The following STYXL1 variants were observed in gnomAD, a reference collection of about 807,000 sequenced individuals.
The protein encoded by STYXL1 is serine/threonine/tyrosine interacting like 1.
A neutral mutation model predicts 36.4 loss-of-function variants in STYXL1; 32 were observed. That is an observed-to-expected ratio of 0.88 (90% CI 0.66 to 1.18). The LOEUF is 1.18. Ranked by LOEUF, STYXL1 falls within the 50% of genes most tolerant of loss-of-function variation. The probability of loss-of-function intolerance (pLI) is 0.00; values close to 1 mark genes in which losing one functional copy is unlikely to be tolerated. For missense variants in STYXL1, 354 were observed against 394.1 expected, an observed-to-expected ratio of 0.90 and a Z score of 0.86; for synonymous variants, 133 against 144.1, an observed-to-expected ratio of 0.92 and a Z score of 0.55.
At chr7:76,029,378 C>T (rs1020431718) in intron 2 of STYXL1, among the ~76,000 whole-genome samples, 1 of 151,948 alleles carries the variant, frequency 6.6e-6, no homozygotes, top group Non-Finnish European at 1.5e-5. Flanking sequence ...AACTCCTGAC[C>T]TCAGTTGATC....
chr7:76,034,414 G>C (rs1795715450), intron 1 of STYXL1, among the ~76,000 whole-genome samples: 3 of 152,084 alleles, frequency 2.0e-5, no homozygotes, highest in Non-Finnish European at 1.5e-5. Flanking sequence ...TTCCCTCTGG[G>C]CTCAAACGCC....
Position 76,005,295 on chromosome 7 carries a change from T to A in STYXL1, c.563A>T (p.Lys188Ile). 6.2e-7 allele frequency: 1 copy of A among 1,611,392 alleles called. No homozygotes were observed. Among genetic ancestry groups the A allele is most frequent in the Non-Finnish European group, 8.5e-7 (1 of 1,178,020 alleles). ...ATCCATGGAGACATTGACATGGGCT[T>A]TGATTTTCAAGTCCTTCTGAATCTT... ...DPKIQKDLKI[K>I]AHVNVSMDTG... The change falls in exon 6 of 9, where the codon AAA (lysine) becomes ATA (isoleucine). Residue 188 changes from lysine to isoleucine, a missense_variant. By Grantham distance (102) the Lys-to-Ile change is moderately radical. Coordinates refer to ENST00000359697, the MANE Select transcript of STYXL1 (RefSeq NM_001317785.2).
chr7:76,008,684 A>G lies in STYXL1; in HGVS notation c.454-3280T>C, dbSNP rs546659824. On this transcript the variant is annotated intron_variant, in intron 5 of 8. Coordinates refer to ENST00000359697, the MANE Select transcript of STYXL1 (RefSeq NM_001317785.2). ...ACGCTCAGCTTGCTGGTGCCAAATG[A>G]AATCCCCCTTTCAATTTCCACTTAA... Among the ~76,000 whole-genome samples, 3 of 152,274 alleles carry G rather than the reference A, an allele frequency of 2.0e-5. No individual in the cohort carries two copies. In the South Asian group the frequency reaches 6.2e-4, roughly 32 times the overall value.
chr7:76,008,609 C>T (rs781796503), intron 5 of STYXL1, among the ~76,000 whole-genome samples: 4 of 152,184 alleles, frequency 2.6e-5, no homozygotes, highest in African/African-American at 4.8e-5. Flanking sequence ...CCACTGCCTG[C>T]GGGCAGGCCC....
intron 1 of STYXL1, among the ~76,000 whole-genome samples, chr7:76,035,550 A>G (rs142655301): frequency 0.01 from 1,528 of 149,874 alleles, 86 homozygotes; most frequent in African/African-American, 0.033. Context: ...TGGACCTGCC[A>G]TCATACTTTT....
chr7:76,015,210 A>C (rs1554573474), intron 4 of STYXL1, among the ~76,000 whole-genome samples: 1 of 152,206 alleles, frequency 6.6e-6, no homozygotes, highest in African/African-American at 2.4e-5. Flanking sequence ...TGGTCGTGCC[A>C]CTGCACTACA....
chr7:76,028,659 C>T lies in STYXL1; in HGVS notation c.148G>A (p.Ala50Thr). 6.2e-7 allele frequency: 1 copy of T among 1,614,112 alleles called. No homozygotes were observed. The highest frequency in any genetic ancestry group is 8.5e-7 in the Non-Finnish European group (1 of 1,179,980). The change falls in exon 3 of 9, where the codon GCC becomes ACC. Residue 50 changes from alanine (A) to threonine (T), a missense_variant. Ala to Thr is a moderately conservative substitution (Grantham distance 58, BLOSUM62 0). Coordinates refer to ENST00000359697, the MANE Select transcript of STYXL1 (RefSeq NM_001317785.2). Reference sequence around the variant, plus strand: ...CCATGTACCTTCTTCACTCGAAGGGCAGTGATCACATGGCTTTCGTCATAC... The same window carrying T: ...CCATGTACCTTCTTCACTCGAAGGGTAGTGATCACATGGCTTTCGTCATAC... Reference protein sequence around the residue: ...WEYDESHVITALRVKKKNNEY... With the variant: ...WEYDESHVITTLRVKKKNNEY...
chr7:76,013,325 C>CAAAAA (rs782742797), intron 5 of STYXL1, among the ~76,000 whole-genome samples: 2 of 80,706 alleles, frequency 2.5e-5, no homozygotes, highest in African/African-American at 9.8e-5. Flanking sequence ...GACTCCGTCT[C>CAAAAA]AAAAAAAAAA....
At chr7:76,004,079 T>C (rs958470338) in intron 6 of STYXL1, among the ~76,000 whole-genome samples, 2 of 152,050 alleles carry the variant, frequency 1.3e-5, no homozygotes, top group Non-Finnish European at 2.9e-5. Flanking sequence ...GAGGATCACA[T>C]AGCGAGACCC....
chr7:76,046,488 A>G (rs926309759), intron 1 of STYXL1, among the ~76,000 whole-genome samples: 5 of 151,994 alleles, frequency 3.3e-5, no homozygotes, highest in Admixed American at 1.3e-4. Context: ...CTGGGACTAC[A>G]GGCACACGCC....
rs1790119363 is a variant in STYXL1, at chr7:75,996,342, T to C, written c.*126A>G. On this transcript the variant is annotated 3_prime_UTR_variant, in exon 9 of 9. Coordinates refer to ENST00000359697, the MANE Select transcript of STYXL1 (RefSeq NM_001317785.2). ...GAAGAATCAGTACAGGAGGCTAACA[T>C]GAGACTTTCAGGCAGCAAAGGCCTT... 6.3e-7 allele frequency: 1 copy of C among 1,581,006 alleles called. No homozygotes were observed. The highest frequency in any genetic ancestry group is 8.6e-7 in the Non-Finnish European group (1 of 1,165,830).
At chr7:76,009,567 C>T (rs1792295624) in intron 5 of STYXL1, among the ~76,000 whole-genome samples, 1 of 152,144 alleles carries the variant, frequency 6.6e-6, no homozygotes. Context: ...TGTGCCACCA[C>T]ACCCAGCTAA....
chr7:76,032,210 T>C (rs1795425059), intron 1 of STYXL1, among the ~76,000 whole-genome samples: 3 of 149,664 alleles, frequency 2.0e-5, no homozygotes, highest in Non-Finnish European at 3.0e-5. Context: ...CTGGACAACA[T>C]AGTGAGACCC....
intron 1 of STYXL1, among the ~76,000 whole-genome samples, chr7:76,047,067 C>G (rs1554583961): frequency 6.8e-6 from 1 of 147,550 alleles, no homozygotes; most frequent in Non-Finnish European, 1.5e-5. Flanking sequence ...CGAGACCAGC[C>G]TGACCAACGT....
chr7:76,007,236 G>A (rs1791891967), intron 5 of STYXL1, among the ~76,000 whole-genome samples: 1 of 152,058 alleles, frequency 6.6e-6, no homozygotes, highest in Admixed American at 6.6e-5. Context: ...AGACCAACCT[G>A]GCCAACGAGT....
chr7:76,038,732 G>A (rs527964865), intron 1 of STYXL1, among the ~76,000 whole-genome samples: 1 of 139,292 alleles, frequency 7.2e-6, no homozygotes, highest in Admixed American at 6.8e-5. Flanking sequence ...TGACATTCTT[G>A]AGAATGGCCT....
At chr7:76,005,859 AGAGGAGGAAGAGAGAGGAGGAGAGAG>A (rs782453723) in intron 5 of STYXL1, among the ~76,000 whole-genome samples, 5,039 of 28,594 alleles carry the variant, frequency 0.18, 144 homozygotes, top group Non-Finnish European at 0.27. Flanking sequence ...AGAGGAGGAG[AGAGGAGGAAGAGAGAGGAGGAGAGAG>A]GAGGAGGAGG....
intron 3 of STYXL1, among the ~76,000 whole-genome samples, chr7:76,024,609 C>A (rs1554577177): frequency 6.6e-6 from 1 of 150,394 alleles, no homozygotes; most frequent in African/African-American, 2.5e-5. Context: ...AGAGTGAGAC[C>A]CTGTCTCAAA....
chr7:76,016,222 A>G (rs552584300), intron 4 of STYXL1, among the ~76,000 whole-genome samples: 1 of 151,870 alleles, frequency 6.6e-6, no homozygotes, highest in Admixed American at 6.6e-5. Context: ...GTATAGGGAT[A>G]CATATATATA....
Sources: gnomAD v4.1 joint callset for allele counts (sites outside exome capture counted in the v4.1 genomes callset) on GRCh38, gnomAD v4.1.1 for gene constraint, MANE v1.5 for transcripts, NCBI Gene and HGNC (gene_info 2026-07-23, HGNC 2026-07-21) for gene names.